The following NXF2 variants were observed in gnomAD, a reference collection of about 807,000 sequenced individuals.
The protein encoded by NXF2 is TAP-like protein 2.
rs781782820 is a variant in NXF2 at position 102,274,477 on chromosome X, T to A, written c.-54+25919T>A. ...GACAACAACGACGATGATGACTACT[T>A]CTTCTTCTTCTTCTTCTTCTTCTTC... On this transcript the variant is annotated intron_variant, in intron 2 of 22. Transcript: ENST00000625106. 1.6e-3 allele frequency among the ~76,000 whole-genome samples: 5 copies of A among 3,058 alleles called. 1 individual carries two copies. Among genetic ancestry groups the A allele is most frequent in the African/African-American group, 3.8e-3 (4 of 1,047 alleles). The allele number at this position is 3,058 out of a possible 115,157, so 2.7% of individuals were successfully genotyped here.
intron 2 of NXF2, among the ~76,000 whole-genome samples, chrX:102,281,637 C>T (rs1409735768): frequency 8.5e-5 from 9 of 105,956 alleles, no homozygotes; most frequent in South Asian, 4.8e-4. Context: ...GGGTCTCCTT[C>T]GGAGCCACAA....
chrX:102,260,149 CA>C (rs1402892370), intron 2 of NXF2: 2 of 88,891 alleles, frequency 2.2e-5, no homozygotes, highest in African/African-American at 7.9e-5. Context: ...TGTCTGCCCA[CA>C]AAAGCGTCCT....
At chrX:102,285,941 GT>G (rs541008665) in intron 2 of NXF2, among the ~76,000 whole-genome samples, 765 of 33,825 alleles carry the variant, frequency 0.023, 2 homozygotes, top group East Asian at 0.057. Flanking sequence ...GTTTGTTTTT[GT>G]TTTTTTTTTT....
At chrX:102,298,672 G>A (rs1242342939) in intron 2 of NXF2, among the ~76,000 whole-genome samples, 1 of 112,051 alleles carries the variant, frequency 8.9e-6, no homozygotes, top group Non-Finnish European at 1.9e-5. Context: ...AGAGGGTGGT[G>A]GAGGAGGAGC....
In NXF2 at chrX:102,251,315, C is replaced by G. The variant is rs1210565047; in HGVS notation, c.-54+2757C>G. ...GATTTTGCAGTTACAGACATTACTC[C>G]CGCGAATAACCCTGGACATGATTTT... On this transcript the variant is annotated intron_variant, in intron 2 of 22. Coordinates refer to ENST00000625106, the MANE Select transcript of NXF2 (RefSeq NM_022053.4). 4.8e-3 allele frequency among the ~76,000 whole-genome samples: 239 copies of G among 49,787 alleles called. 1 individual carries two copies. Among genetic ancestry groups the G allele is most frequent in the Non-Finnish European group, 6.2e-3 (178 of 28,663 alleles). The allele number at this position is 49,787 out of a possible 115,157, so 43.2% of individuals were successfully genotyped here.
At chrX:102,298,964 G>A (rs1200156596) in intron 2 of NXF2, among the ~76,000 whole-genome samples, 10 of 78,518 alleles carry the variant, frequency 1.3e-4, no homozygotes, top group Admixed American at 1.5e-4. Context: ...ATATATTTAC[G>A]GGGTACAATG....
At chrX:102,281,728 A>ACCCCCCC (rs61468793) in intron 2 of NXF2, among the ~76,000 whole-genome samples, 8 of 55,626 alleles carry the variant, frequency 1.4e-4, no homozygotes, top group African/African-American at 2.8e-4. Context: ...ATGTCGTGTG[A>ACCCCCCC]CCCCCCCCCT....
At chrX:102,288,952 A>AT (rs1238340248) in intron 2 of NXF2, among the ~76,000 whole-genome samples, 2 of 10,053 alleles carry the variant, frequency 2.0e-4, no homozygotes, top group Non-Finnish European at 1.8e-4. Context: ...GACGGTGAGC[A>AT]TTTTTTTTCA....
chrX:102,281,670 G>A (rs1641100403), intron 2 of NXF2, among the ~76,000 whole-genome samples: 1 of 105,131 alleles, frequency 9.5e-6, no homozygotes, highest in Admixed American at 1.0e-4. Context: ...GGGGTTAGGG[G>A]ACGGGTGATG....
chrX:102,298,763 T>C (rs1934008883), intron 2 of NXF2, among the ~76,000 whole-genome samples: 1 of 114,815 alleles, frequency 8.7e-6, no homozygotes, highest in East Asian at 2.7e-4. Context: ...TTCATTTAAT[T>C]CTCACGCCAA....
chrX:102,281,728 A>ACCCCCCCCCCCCCCGCC (rs61468793), intron 2 of NXF2, among the ~76,000 whole-genome samples: 1 of 55,638 alleles, frequency 1.8e-5, no homozygotes, highest in Non-Finnish European at 3.2e-5. Flanking sequence ...ATGTCGTGTG[A>ACCCCCCCCCCCCCCGCC]CCCCCCCCCT....
At chrX:102,281,819 G>T (rs1602440483) in intron 2 of NXF2, among the ~76,000 whole-genome samples, 1 of 73,327 alleles carries the variant, frequency 1.4e-5, no homozygotes, top group Admixed American at 1.9e-4. Context: ...TTTTTTGTTT[G>T]TTTTTTTGAG....
At chrX:102,289,748 T>A (rs1332903142) in intron 2 of NXF2, among the ~76,000 whole-genome samples, 4 of 103,543 alleles carry the variant, frequency 3.9e-5, no homozygotes, top group African/African-American at 1.1e-4. Context: ...GTGGCATTAT[T>A]TCTGAGGGCT....
At chrX:102,252,123 G>T (rs1280130882) in intron 2 of NXF2, among the ~76,000 whole-genome samples, 1 of 75,256 alleles carries the variant, frequency 1.3e-5, no homozygotes, top group Non-Finnish European at 2.5e-5. Flanking sequence ...CTCTCGAGTA[G>T]CTGGGATTAC....
chrX:102,252,030 T>A (rs60974193), intron 2 of NXF2, among the ~76,000 whole-genome samples: 9,012 of 102,159 alleles, frequency 0.088, 6 homozygotes, highest in East Asian at 0.42. Context: ...TCTCGCTTTG[T>A]CGTCCAGGCT....
At chrX:102,251,292 T>C (rs1933817161) in intron 2 of NXF2, among the ~76,000 whole-genome samples, 1 of 42,326 alleles carries the variant, frequency 2.4e-5, no homozygotes, top group East Asian at 4.6e-4. Context: ...CCTTCCAAGA[T>C]TTTGCAGTTA....
At chrX:102,298,882 C>G (rs1934011240) in intron 2 of NXF2, among the ~76,000 whole-genome samples, 1 of 97,133 alleles carries the variant, frequency 1.0e-5, no homozygotes, top group Non-Finnish European at 2.1e-5. Context: ...ATAGCAAAAA[C>G]TTGGACTTCA....
chrX:102,294,073 G>C (rs1189154341), intron 2 of NXF2, among the ~76,000 whole-genome samples: 51 of 77,184 alleles, frequency 6.6e-4, no homozygotes, highest in Non-Finnish European at 1.0e-3. Context: ...ATAGCATTAG[G>C]AGATATACCT....
At chrX:102,282,360 T>C (rs1257970487) in intron 2 of NXF2, among the ~76,000 whole-genome samples, 1 of 114,926 alleles carries the variant, frequency 8.7e-6, no homozygotes, top group African/African-American at 3.2e-5. Context: ...AATGCTGTGG[T>C]CTCCCTCCCC....
Sources: gnomAD v4.1 joint callset for allele counts (sites outside exome capture counted in the v4.1 genomes callset) on GRCh38, gnomAD v4.1.1 for gene constraint, MANE v1.5 for transcripts, NCBI Gene and HGNC (gene_info 2026-07-23, HGNC 2026-07-21) for gene names.